The following FBXO34 variants were observed in gnomAD, a reference collection of about 807,000 sequenced individuals.
FBXO34 encodes F-box only protein 34.
A neutral mutation model predicts 24.5 loss-of-function variants in FBXO34; 12 were observed. The observed-to-expected ratio is 0.49, with a 90% CI of 0.31 to 0.79. FBXO34 has a LOEUF of 0.79. Among genes scored for constraint, FBXO34 ranks in the 30% least tolerant of loss-of-function variants. The probability of loss-of-function intolerance (pLI) is 0.04; values close to 1 mark genes in which losing one functional copy is unlikely to be tolerated. For synonymous variants in FBXO34, 320 were observed against 311.9 expected, an observed-to-expected ratio of 1.03 and a Z score of -0.27; for missense variants, 823 against 857.7, an observed-to-expected ratio of 0.96 and a Z score of 0.51.
At chr14:55,412,209 G>A in the FBXO34 span, among the ~76,000 whole-genome samples, 1 of 152,174 alleles carries the variant, frequency 6.6e-6, no homozygotes, top group Non-Finnish European at 1.5e-5. Context: ...CTAAACTACA[G>A]CAAACAAAGT....
downstream of FBXO34, among the ~76,000 whole-genome samples, chr14:55,374,103 T>TC (rs1194691450): frequency 6.6e-6 from 1 of 152,258 alleles, no homozygotes; most frequent in Non-Finnish European, 1.5e-5. Flanking sequence ...AGTGCTTTTT[T>TC]CCCTCAACTA....
At chr14:55,273,939 G>A (rs377195663) in intron 1 of FBXO34, among the ~76,000 whole-genome samples, 3 of 152,234 alleles carry the variant, frequency 2.0e-5, no homozygotes, top group East Asian at 3.9e-4. Context: ...TCGAATAGCT[G>A]GGACTACCGG....
chr14:55,418,089 T>A, the FBXO34 span, among the ~76,000 whole-genome samples: 1 of 152,220 alleles, frequency 6.6e-6, no homozygotes, highest in South Asian at 2.1e-4. Flanking sequence ...AGGAATATAC[T>A]TCCAGCTTAG....
chr14:55,403,648 C>A, the FBXO34 span, among the ~76,000 whole-genome samples: 1 of 151,790 alleles, frequency 6.6e-6, no homozygotes, highest in African/African-American at 2.4e-5. Context: ...CATGAAAAGA[C>A]GTTTAGGTAT....
At chr14:55,307,181 T>C (rs1298986447) in intron 1 of FBXO34, among the ~76,000 whole-genome samples, 1 of 152,216 alleles carries the variant, frequency 6.6e-6, no homozygotes, top group African/African-American at 2.4e-5. Context: ...TAAAAGGGTG[T>C]GACAGGAGGG....
downstream of FBXO34, chr14:55,369,760 G>T (rs745383116): frequency 1.9e-6 from 3 of 1,614,066 alleles, no homozygotes; most frequent in South Asian, 3.3e-5. Flanking sequence ...ACTGGGAAGG[G>T]ATATCACAAA....
the FBXO34 span, chr14:55,395,806 G>T: frequency 2.0e-6 from 1 of 493,608 alleles, no homozygotes; most frequent in Non-Finnish European, 3.3e-6. Flanking sequence ...ATTTGAGAAA[G>T]CCACGCTACA....
chr14:55,317,338 G>A (rs570838940), intron 1 of FBXO34, among the ~76,000 whole-genome samples: 6 of 152,244 alleles, frequency 3.9e-5, no homozygotes, highest in Non-Finnish European at 8.8e-5. Flanking sequence ...AAATTAGCCA[G>A]GCGAGGTCGT....
the FBXO34 span, among the ~76,000 whole-genome samples, chr14:55,405,836 G>A: frequency 4.1e-5 from 6 of 145,700 alleles, no homozygotes; most frequent in Non-Finnish European, 6.0e-5. Flanking sequence ...AGATGACAGG[G>A]AACACGCCTT....
chr14:55,299,247 A>C (rs1018561548), intron 1 of FBXO34: 2 of 828,750 alleles, frequency 2.4e-6, no homozygotes, highest in African/African-American at 3.4e-5. Flanking sequence ...GACATGAAGG[A>C]TTTGGAGAAC....
the FBXO34 span, among the ~76,000 whole-genome samples, chr14:55,427,514 C>A: frequency 6.6e-6 from 1 of 152,068 alleles, no homozygotes; most frequent in East Asian, 1.9e-4. Context: ...CATTCGATGG[C>A]CAAGAGAAGA....
At chr14:55,437,075 A>T in the FBXO34 span, 27 of 1,476,494 alleles carry the variant, frequency 1.8e-5, no homozygotes, top group Non-Finnish European at 2.5e-5. Flanking sequence ...AGCATGTTAC[A>T]CAAAAGGGAT....
the FBXO34 span, chr14:55,437,093 T>TGGCA: frequency 7.5e-6 from 10 of 1,325,366 alleles, no homozygotes; most frequent in African/African-American, 2.9e-5. Context: ...GATGTCACTA[T>TGGCA]GGCAGGCAGG....
intron 1 of FBXO34, among the ~76,000 whole-genome samples, chr14:55,322,350 A>G (rs1484738447): frequency 6.6e-6 from 1 of 151,912 alleles, no homozygotes; most frequent in East Asian, 1.9e-4. Flanking sequence ...AACAACAACA[A>G]CAAAAAAAGA....
chr14:55,372,722 T>G (rs1434740191), downstream of FBXO34, among the ~76,000 whole-genome samples: 2 of 151,570 alleles, frequency 1.3e-5, no homozygotes, highest in Non-Finnish European at 2.9e-5. Flanking sequence ...TCCTTCCTTC[T>G]TTCCTCCCTC....
At chr14:55,369,737 G>C (rs940692566), downstream of FBXO34, 4 of 1,613,796 alleles carry the variant, frequency 2.5e-6, no homozygotes, top group African/African-American at 2.7e-5. Flanking sequence ...CTGACTCTGG[G>C]AGACTTCCAC....
the FBXO34 span, among the ~76,000 whole-genome samples, chr14:55,412,923 T>C: frequency 6.6e-6 from 1 of 152,222 alleles, no homozygotes; most frequent in South Asian, 2.1e-4. Context: ...CCATGATTCA[T>C]ATTAGCCCGT....
chr14:55,382,335 A>C, the FBXO34 span: 2 of 665,088 alleles, frequency 3.0e-6, no homozygotes, highest in African/African-American at 3.6e-5. Flanking sequence ...TATTTTAGAG[A>C]TGGGTGTCAC....
downstream of FBXO34, among the ~76,000 whole-genome samples, chr14:55,372,578 CCTTT>C (rs1228863443): frequency 6.6e-6 from 1 of 151,672 alleles, no homozygotes; most frequent in Non-Finnish European, 1.5e-5. Context: ...TTCTTTCCAT[CCTTT>C]CTTCCTCACT....
Sources: allele counts gnomAD v4.1 joint callset (sites outside exome capture counted in the v4.1 genomes callset), GRCh38; gene constraint gnomAD v4.1.1; transcripts MANE v1.5; gene names NCBI Gene and HGNC (gene_info 2026-07-23, HGNC 2026-07-21).